OPCML: variants seen among roughly 807,000 people sequenced by gnomAD.
OPCML encodes the protein opioid-binding protein/cell adhesion molecule.
OPCML carries 13 observed loss-of-function variants against 37.8 expected under a neutral mutation model. The ratio of observed to expected loss-of-function variants is 0.34; its 90% CI spans 0.22 to 0.55. The LOEUF is 0.55. OPCML is among the 20% of genes least tolerant of loss of function. The pLI is 0.91. For missense variants in OPCML, 341 were observed against 435.6 expected, an observed-to-expected ratio of 0.78 and a Z score of 1.93; for synonymous variants, 176 against 168.8, an observed-to-expected ratio of 1.04 and a Z score of -0.33.
At chr11:132,992,912 C>G (rs537315379) in intron 1 of OPCML, among the ~76,000 whole-genome samples, 1 of 152,168 alleles carries the variant, frequency 6.6e-6, no homozygotes, top group Non-Finnish European at 1.5e-5. Flanking sequence ...GCAACGTTGA[C>G]ATCCAGTGGT....
intron 1 of OPCML, among the ~76,000 whole-genome samples, chr11:133,340,497 CAAATT>C (rs1463272069): frequency 1.3e-5 from 2 of 152,030 alleles, no homozygotes; most frequent in African/African-American, 4.8e-5. Flanking sequence ...TTCTAGCCCA[CAAATT>C]AACACCGTGT....
rs1338719795 is a variant in OPCML at position 132,796,558 on chromosome 11, CTTCT to C, written c.147-139243_147-139240del. ...CTAACACTTATTATTATCCACTTTT[CTTCT>C]TTCTTTTTTTTTTTTTTTTTTTTTT... On this transcript the variant is annotated intron_variant, in intron 2 of 7. Transcript: ENST00000524381. Among the ~76,000 whole-genome samples, 26 of 130,358 alleles carry C rather than the reference CTTCT, an allele frequency of 2.0e-4. No homozygotes were observed. The South Asian group carries it at 2.4e-3, about 12-fold the overall frequency. The allele number at this position is 130,358 out of a possible 152,430, so 85.5% of individuals were successfully genotyped here.
chr11:132,525,874 G>A (rs1157401392), intron 4 of OPCML: 2 of 151,932 alleles, frequency 1.3e-5, no homozygotes, highest in East Asian at 3.9e-4. Flanking sequence ...GCTTTTCAAA[G>A]GAAACAATTT....
chr11:132,719,960 T>G (rs1944622632), intron 2 of OPCML, among the ~76,000 whole-genome samples: 1 of 152,162 alleles, frequency 6.6e-6, no homozygotes, highest in African/African-American at 2.4e-5. Flanking sequence ...ACTAGAGTCA[T>G]CTGGGGACAG....
intron 4 of OPCML, among the ~76,000 whole-genome samples, chr11:132,441,121 GC>G (rs1345732599): frequency 1.3e-5 from 2 of 151,106 alleles, no homozygotes; most frequent in African/African-American, 4.9e-5. Context: ...TGGCCTGTGA[GC>G]CATTGGAAAG....
intron 3 of OPCML, among the ~76,000 whole-genome samples, chr11:132,600,105 C>T (rs989350742): frequency 2.0e-5 from 3 of 152,178 alleles, no homozygotes; most frequent in African/African-American, 7.2e-5. Flanking sequence ...TTCTGAGCTG[C>T]TTGGTCCATG....
intron 2 of OPCML, among the ~76,000 whole-genome samples, chr11:132,935,037 G>T (rs1945324825): frequency 1.3e-5 from 2 of 151,988 alleles, no homozygotes; most frequent in South Asian, 4.1e-4. Context: ...TACTCAGGAG[G>T]CTGAGGCAGG....
chr11:133,015,394 AT>A (rs1359160756), intron 1 of OPCML, among the ~76,000 whole-genome samples: 16 of 76,454 alleles, frequency 2.1e-4, no homozygotes, highest in Non-Finnish European at 3.4e-4. Context: ...GAAGGAAGGA[AT>A]GAAGGAAGGA....
intron 2 of OPCML, among the ~76,000 whole-genome samples, chr11:132,875,119 CTT>C (rs1308404786): frequency 3.3e-5 from 5 of 152,128 alleles, no homozygotes; most frequent in East Asian, 3.8e-4. Flanking sequence ...ATCTATGAAA[CTT>C]AACCATTTTT....
intron 4 of OPCML, among the ~76,000 whole-genome samples, chr11:132,462,168 G>T (rs959188143): frequency 6.6e-6 from 1 of 152,178 alleles, no homozygotes; most frequent in Non-Finnish European, 1.5e-5. Flanking sequence ...CGTGCAACTA[G>T]TGTCCACTGG....
chr11:133,463,030 C>T (rs1185355670), intron 1 of OPCML, among the ~76,000 whole-genome samples: 1 of 149,262 alleles, frequency 6.7e-6, no homozygotes. Flanking sequence ...TGACACAAGC[C>T]ACAGCCTGGA....
chr11:133,517,013 G>A (rs1230652725), intron 1 of OPCML, among the ~76,000 whole-genome samples: 4 of 152,136 alleles, frequency 2.6e-5, no homozygotes, highest in Non-Finnish European at 4.4e-5. Context: ...ACATCCCCAC[G>A]CGAAGTCCCA....
chr11:133,530,381 G>A (rs1332989578), intron 1 of OPCML, among the ~76,000 whole-genome samples: 2 of 152,246 alleles, frequency 1.3e-5, no homozygotes, highest in African/African-American at 4.8e-5. Flanking sequence ...CTGCCATAAG[G>A]GGCGCATCCA....
chr11:132,573,306 T>G (rs1202230237), intron 3 of OPCML, among the ~76,000 whole-genome samples: 1 of 151,966 alleles, frequency 6.6e-6, no homozygotes, highest in African/African-American at 2.4e-5. Flanking sequence ...TGAGAATAGC[T>G]ATGCCTGACT....
At chr11:132,568,340 A>G (rs944148924) in intron 3 of OPCML, among the ~76,000 whole-genome samples, 3 of 152,198 alleles carry the variant, frequency 2.0e-5, no homozygotes, top group Admixed American at 1.3e-4. Flanking sequence ...AATTAAATGA[A>G]TCATCTCCGT....
chr11:132,570,979 C>A (rs1283996354), intron 3 of OPCML, among the ~76,000 whole-genome samples: 1 of 151,122 alleles, frequency 6.6e-6, no homozygotes, highest in African/African-American at 2.4e-5. Context: ...CAGGGGAGAC[C>A]GACATGTAAG....
chr11:133,152,784 G>C (rs1950005019), intron 1 of OPCML, among the ~76,000 whole-genome samples: 1 of 151,858 alleles, frequency 6.6e-6, no homozygotes, highest in African/African-American at 2.4e-5. Flanking sequence ...GCAAAAGTTA[G>C]ATTCTTTACA....
chr11:133,037,373 G>A (rs1947801450), intron 1 of OPCML, among the ~76,000 whole-genome samples: 1 of 152,160 alleles, frequency 6.6e-6, no homozygotes, highest in Non-Finnish European at 1.5e-5. Context: ...CTCTGTTACT[G>A]GAAGCGTTCA....
At chr11:132,478,878 G>T (rs559791736) in intron 4 of OPCML, among the ~76,000 whole-genome samples, 2 of 152,040 alleles carry the variant, frequency 1.3e-5, no homozygotes, top group East Asian at 3.8e-4. Context: ...ATATAATTTG[G>T]GTTAAATATA....
Sources: gnomAD v4.1 joint callset for allele counts (sites outside exome capture counted in the v4.1 genomes callset) on GRCh38, gnomAD v4.1.1 for gene constraint, MANE v1.5 for transcripts, NCBI Gene and HGNC (gene_info 2026-07-23, HGNC 2026-07-21) for gene names.